Variants in ASTN1 observed in about 807,000 individuals in gnomAD.
The protein encoded by ASTN1 is astrotactin-1.
Under a neutral mutation model 140.7 loss-of-function variants are expected in ASTN1, and 41 were observed. The observed-to-expected ratio is 0.29, with a 90% CI of 0.23 to 0.38. The LOEUF is 0.38. Ranked by LOEUF, ASTN1 falls within the 10% of genes least tolerant of loss-of-function variation. The probability of loss-of-function intolerance (pLI) is 1.00; values close to 1 mark genes in which losing one functional copy is unlikely to be tolerated. For missense variants in ASTN1, 1,479 were observed against 1,678.8 expected, an observed-to-expected ratio of 0.88 and a Z score of 2.08; for synonymous variants, 640 against 652.2, an observed-to-expected ratio of 0.98 and a Z score of 0.29.
chr1:176,916,436 C>T (rs971983571), intron 16 of ASTN1, among the ~76,000 whole-genome samples: 1 of 152,120 alleles, frequency 6.6e-6, no homozygotes, highest in Non-Finnish European at 1.5e-5. Flanking sequence ...CCAAGTCAGC[C>T]AGTTTAATGT....
intron 2 of ASTN1, among the ~76,000 whole-genome samples, chr1:177,050,115 G>A (rs1677465242): frequency 6.6e-6 from 1 of 152,174 alleles, no homozygotes; most frequent in Non-Finnish European, 1.5e-5. Context: ...ATCATGAAAT[G>A]TTCACTCTTA....
At chr1:176,925,246 C>A (rs113611348) in intron 16 of ASTN1, among the ~76,000 whole-genome samples, 1 of 152,114 alleles carries the variant, frequency 6.6e-6, no homozygotes, top group Admixed American at 6.5e-5. Context: ...CGGAGACCAC[C>A]GTGCCATGGC....
At chr1:176,871,494 C>T (rs1668342444) in intron 21 of ASTN1, among the ~76,000 whole-genome samples, 1 of 152,174 alleles carries the variant, frequency 6.6e-6, no homozygotes, top group South Asian at 2.1e-4. Context: ...CTATCATTCT[C>T]ATAACATAGT....
At chr1:177,029,533 G>T in intron 5 of ASTN1, 101 bp downstream of exon 5, 3 of 1,236,724 alleles carry the variant, frequency 2.4e-6, no homozygotes, top group Non-Finnish European at 3.5e-6. Flanking sequence ...AACTGGTTTT[G>T]TTCCATAGAG....
At position 177,112,872 on chromosome 1, in the gene ASTN1, C is replaced by A. The variant is rs192593704; in HGVS notation, c.283+51522G>T. 5.2e-4 allele frequency among the ~76,000 whole-genome samples: 79 copies of A among 152,272 alleles called. 1 individual carries two copies. Among genetic ancestry groups the A allele is most frequent in the Admixed American group, 1.3e-3 (20 of 15,304 alleles). ...CTTCTCATTAATTTTTTCCCCACAT[C>A]ATCTCCCGCTTCTCCCTCTGCAATG... On this transcript the variant is annotated intron_variant, in intron 1 of 22. Transcript: ENST00000361833.
At chr1:176,899,722 C>T (rs553011129) in intron 16 of ASTN1, among the ~76,000 whole-genome samples, 1 of 152,214 alleles carries the variant, frequency 6.6e-6, no homozygotes, top group South Asian at 2.1e-4. Context: ...CAGATGTCCT[C>T]GAGTCATCAA....
At chr1:177,032,256 A>G (rs1676478082) in intron 3 of ASTN1, among the ~76,000 whole-genome samples, 200 bp downstream of exon 3, 1 of 152,206 alleles carries the variant, frequency 6.6e-6, no homozygotes, top group Non-Finnish European at 1.5e-5. Context: ...GATCCAATTT[A>G]CACGGTTCTT....
At chr1:176,934,581 C>T (rs898679837) in intron 15 of ASTN1, among the ~76,000 whole-genome samples, 5 of 151,536 alleles carry the variant, frequency 3.3e-5, no homozygotes, top group African/African-American at 1.2e-4. Context: ...AAAACATTGC[C>T]AAACCTCTAC....
chr1:177,159,092 A>C (rs2102263674), intron 1 of ASTN1, among the ~76,000 whole-genome samples: 1 of 151,600 alleles, frequency 6.6e-6, no homozygotes, highest in South Asian at 2.1e-4. Context: ...AAAAAATTAA[A>C]ATTTTATTTT....
intron 1 of ASTN1, among the ~76,000 whole-genome samples, chr1:177,159,843 A>C (rs556690373): frequency 6.6e-6 from 1 of 152,326 alleles, no homozygotes; most frequent in Admixed American, 6.5e-5. Context: ...TGAGTCCCAT[A>C]CATGTCACCA....
At chr1:177,061,455 C>A (rs1348515797) in intron 1 of ASTN1, among the ~76,000 whole-genome samples, 190 bp from the exon 2 acceptor site, 1 of 152,170 alleles carries the variant, frequency 6.6e-6, no homozygotes, top group African/African-American at 2.4e-5. Flanking sequence ...GAGAAGAAGA[C>A]AATTATCTCC....
chr1:177,108,280 T>C (rs891376093), intron 1 of ASTN1, among the ~76,000 whole-genome samples: 1 of 134,142 alleles, frequency 7.5e-6, no homozygotes, highest in Non-Finnish European at 1.5e-5. Flanking sequence ...ACCCGGGAGG[T>C]GGAGGTTGCA....
At chr1:177,123,077 T>C (rs1252386580) in intron 1 of ASTN1, among the ~76,000 whole-genome samples, 1 of 152,048 alleles carries the variant, frequency 6.6e-6, no homozygotes, top group African/African-American at 2.4e-5. Flanking sequence ...ACATAAGCCA[T>C]ATGCAGCGGC....
At chr1:176,887,945 T>C in intron 18 of ASTN1, 126 bp downstream of exon 18, 1 of 1,333,730 alleles carries the variant, frequency 7.5e-7, no homozygotes, top group Non-Finnish European at 1.0e-6. Context: ...GATTGAAAGC[T>C]CTCTAAAGGC....
intron 16 of ASTN1, among the ~76,000 whole-genome samples, chr1:176,899,859 C>T (rs1429800664): frequency 6.6e-6 from 1 of 152,140 alleles, no homozygotes; most frequent in Non-Finnish European, 1.5e-5. Context: ...GACATACTCT[C>T]TGAGCTCAAA....
In ASTN1 at chr1:176,936,271, G is replaced by C; in HGVS notation, c.2477C>G (p.Ser826Cys). 6.2e-7 allele frequency: 1 copy of C among 1,613,696 alleles called. No homozygotes were observed. The change falls in exon 15 of 23, where the codon TCT becomes TGT. Residue 826 changes from serine to cysteine, a missense_variant. By Grantham distance (112) the Ser-to-Cys change is moderately radical. Transcript: ENST00000361833. Reference sequence around the variant, plus strand: ...TAGCCTGCAGCAGTGCTCACCCTGAGAGATGGCCACTTGGTTGAGTTTGAT... The same window carrying C: ...TAGCCTGCAGCAGTGCTCACCCTGACAGATGGCCACTTGGTTGAGTTTGAT... ...YHIKLNQVAI[S>C]QALSNALHSL...
chr1:176,934,039 GA>G lies in ASTN1; in HGVS notation c.2671+112del. The G allele has an allele frequency of 2.5e-6, 3 of 1,177,316 alleles. No individual in the cohort carries two copies. In the Admixed American group the frequency reaches 7.3e-5, roughly 29 times the overall value. 72.9% of individuals were successfully genotyped at this position (1,177,316 alleles called of 1,614,324 possible). On this transcript the variant is annotated intron_variant, in intron 16 of 22. Coordinates refer to ENST00000361833, the MANE Select transcript of ASTN1 (RefSeq NM_004319.3). ...TACAGATGGGCACAGAGCATTAGGG[GA>G]AAATCTGATTGAGTCGTTACTACAG...
In ASTN1 at chr1:176,862,904, T is replaced by C; in HGVS notation, c.*1380A>G. On this transcript the variant is annotated 3_prime_UTR_variant, in exon 23 of 23. Transcript: ENST00000361833. ...CATCTGTTTGCTGACCTTTCTCATA[T>C]GTTTCCAGATGAGGAGCCCTGGTCA... is the stretch of plus-strand genomic sequence containing the variant. 2 of 985,494 alleles carry C rather than the reference T, an allele frequency of 2.0e-6. No individual in the cohort carries two copies. The highest frequency in any genetic ancestry group is 1.2e-6 in the Non-Finnish European group (1 of 829,956). The allele number at this position is 985,494 out of a possible 1,614,324, so 61.0% of individuals were successfully genotyped here. A position where few individuals can be genotyped will look rare whatever the true frequency, so the allele number is the denominator to read the frequency against.
intron 1 of ASTN1, among the ~76,000 whole-genome samples, chr1:177,111,048 C>T (rs1680801599): frequency 6.6e-6 from 1 of 152,194 alleles, no homozygotes; most frequent in African/African-American, 2.4e-5. Context: ...TCTGTAAAAG[C>T]TAGCCTCTTG....
Sources: gnomAD v4.1 joint callset for allele counts (sites outside exome capture counted in the v4.1 genomes callset) on GRCh38, gnomAD v4.1.1 for gene constraint, MANE v1.5 for transcripts, NCBI Gene and HGNC (gene_info 2026-07-23, HGNC 2026-07-21) for gene names.